The following FYN variants were observed in gnomAD, a reference collection of about 807,000 sequenced individuals.
The protein encoded by FYN is FYN proto-oncogene, Src family tyrosine kinase.
FYN carries 10 observed loss-of-function variants against 70.2 expected under a neutral mutation model. The ratio of observed to expected loss-of-function variants is 0.14; its 90% CI spans 0.09 to 0.24. The LOEUF (loss-of-function observed/expected upper bound fraction) is 0.24. Among genes scored for constraint, FYN ranks in the 10% least tolerant of loss-of-function variants. FYN has a pLI of 1.00. For missense variants in FYN, 319 were observed against 673.1 expected (o/e 0.47, Z 5.82); for synonymous variants, 236 against 248.6 (o/e 0.95, Z 0.48).
Position 111,694,528 on chromosome 6 carries a change from C to G in FYN, c.1120G>C (p.Val374Leu), listed in dbSNP as rs1476189949. 6.2e-7 allele frequency: 1 copy of G among 1,614,196 alleles called. No individual in the cohort carries two copies. The highest frequency in any genetic ancestry group is 8.5e-7 in the Non-Finnish European group (1 of 1,180,018). Reference protein sequence around the residue: ...LPNLVDMAAQVAAGMAYIERM... With the variant: ...LPNLVDMAAQLAAGMAYIERM... ...TCGATGTAAGCCATTCCTGCAGCCA[C>G]CTGTGGAAACCCAGGGAACAGGACA... Residue 374 changes from valine (V) to leucine (L), a missense_variant and splice_region_variant, in exon 12 of 14, where the codon GTG becomes CTG. By Grantham distance (32) the Val-to-Leu change is conservative. Around this residue, in one of 4 missense-constraint regions of FYN, gnomAD observed 64 missense variants for 223.0 expected, o/e 0.29. Transcript: ENST00000354650. This position sits in a 1 kb window ranked among gnomAD's most constrained non-coding sequence, Gnocchi z 5.0.
At chr6:111,810,684 C>G (rs1772296027) in intron 2 of FYN, among the ~76,000 whole-genome samples, 1 of 152,176 alleles carries the variant, frequency 6.6e-6, no homozygotes, top group African/African-American at 2.4e-5. Flanking sequence ...CCTGGGTGCA[C>G]TCACACCCAC....
chr6:111,665,995 CTTTT>C (rs991104460), intron 13 of FYN, among the ~76,000 whole-genome samples: 1 of 89,046 alleles, frequency 1.1e-5, no homozygotes, highest in East Asian at 3.5e-4. Flanking sequence ...CCTTTTTCTC[CTTTT>C]TTTTTTTTTT....
At chr6:111,831,669 C>T (rs1284579583) in intron 2 of FYN, among the ~76,000 whole-genome samples, 1 of 152,198 alleles carries the variant, frequency 6.6e-6, no homozygotes. Context: ...CACTTTCTCA[C>T]AACCCATTTA....
chr6:111,836,115 G>A (rs1187548177), intron 2 of FYN, among the ~76,000 whole-genome samples: 1 of 152,210 alleles, frequency 6.6e-6, no homozygotes, highest in Non-Finnish European at 1.5e-5. Context: ...GAGTGAAGGT[G>A]ATTCCAAAGT....
At chr6:111,856,349 C>A (rs1254806610) in intron 1 of FYN, among the ~76,000 whole-genome samples, 1 of 152,158 alleles carries the variant, frequency 6.6e-6, no homozygotes, top group Admixed American at 6.5e-5. Context: ...CAAATACTAA[C>A]TATAAACACA....
chr6:111,794,579 G>C (rs903301939), intron 2 of FYN, among the ~76,000 whole-genome samples: 1 of 152,184 alleles, frequency 6.6e-6, no homozygotes, highest in Non-Finnish European at 1.5e-5. Flanking sequence ...CTTTTGTACA[G>C]TCCATGAACT....
At chr6:111,772,888 G>A (rs574189369) in intron 3 of FYN, among the ~76,000 whole-genome samples, 85 of 152,002 alleles carry the variant, frequency 5.6e-4, no homozygotes, top group African/African-American at 2.0e-3. Context: ...TATTATTTGG[G>A]ACTGTATTGT....
intron 2 of FYN, among the ~76,000 whole-genome samples, chr6:111,815,686 A>G (rs1772464921): frequency 6.6e-6 from 1 of 151,512 alleles, no homozygotes. Context: ...TCAGTAAAGG[A>G]GTTCTATCCT....
chr6:111,786,737 A>G (rs1354766788), intron 2 of FYN, among the ~76,000 whole-genome samples: 1 of 152,112 alleles, frequency 6.6e-6, no homozygotes, highest in African/African-American at 2.4e-5. Flanking sequence ...TTCTTTCCTG[A>G]CTTTTTAATG....
At chr6:111,869,327 G>A (rs1446006170) in intron 1 of FYN, among the ~76,000 whole-genome samples, 1 of 152,262 alleles carries the variant, frequency 6.6e-6, no homozygotes, top group Admixed American at 6.5e-5. Context: ...AGGCCTTGGG[G>A]CAAGGAGTTT....
chr6:111,823,492 G>A (rs1241772905), intron 2 of FYN, among the ~76,000 whole-genome samples: 1 of 152,148 alleles, frequency 6.6e-6, no homozygotes, highest in Non-Finnish European at 1.5e-5. Context: ...AGGAGAAAAT[G>A]TCAGGCAAAA....
At chr6:111,717,231 GA>G (rs1246762506) in intron 4 of FYN, among the ~76,000 whole-genome samples, 1 of 152,000 alleles carries the variant, frequency 6.6e-6, no homozygotes, top group Non-Finnish European at 1.5e-5. Flanking sequence ...TGTTTGATCA[GA>G]CTGTTAGCTT....
rs1346270400 is a variant in FYN, at chr6:111,771,031, C to CA, written c.-12+9534dup. On this transcript the variant is annotated intron_variant, in intron 3 of 13. Transcript: ENST00000354650. ...AATGAGAGGCAGGACCAAATTCTTG[C>CA]ATGATGAAGTAAGTCTAGAGAAGCT... Among the ~76,000 whole-genome samples, 13 of 152,276 alleles carry CA rather than the reference C, an allele frequency of 8.5e-5. No individual in the cohort carries two copies. The East Asian group carries it at 2.5e-3, about 29-fold the overall frequency.
chr6:111,672,972 A>G (rs1798354348), intron 13 of FYN, among the ~76,000 whole-genome samples: 2 of 152,188 alleles, frequency 1.3e-5, no homozygotes, highest in Non-Finnish European at 2.9e-5. Flanking sequence ...CCTGAGAAAC[A>G]AAAAGCTGCT....
intron 3 of FYN, among the ~76,000 whole-genome samples, chr6:111,762,032 G>A (rs1214917775): frequency 6.6e-6 from 1 of 152,166 alleles, no homozygotes; most frequent in African/African-American, 2.4e-5. Context: ...CCGTGAGAAG[G>A]AACAGCTTCA....
intron 2 of FYN, among the ~76,000 whole-genome samples, chr6:111,797,532 A>C (rs1438957261): frequency 2.0e-5 from 3 of 151,478 alleles, no homozygotes; most frequent in Non-Finnish European, 4.4e-5. Flanking sequence ...ACTGCATAGT[A>C]ATAGGATAGT....
At chr6:111,781,222 T>C (rs941142147) in intron 2 of FYN, 5 of 152,218 alleles carry the variant, frequency 3.3e-5, no homozygotes, top group African/African-American at 4.8e-5. Context: ...GCTGTTATCA[T>C]CATTCTCCCA....
intron 2 of FYN, among the ~76,000 whole-genome samples, chr6:111,829,493 T>C (rs1293450149): frequency 6.6e-6 from 1 of 152,112 alleles, no homozygotes; most frequent in African/African-American, 2.4e-5. Context: ...AGAGCCCAGG[T>C]CTCTCACATC....
intron 2 of FYN, among the ~76,000 whole-genome samples, chr6:111,827,658 C>T (rs983312848): frequency 6.6e-6 from 1 of 152,186 alleles, no homozygotes; most frequent in Middle Eastern, 3.4e-3. Flanking sequence ...CTGCCCATGC[C>T]CCCACATACC....
Sources: allele counts gnomAD v4.1 joint callset (sites outside exome capture counted in the v4.1 genomes callset), GRCh38; gene constraint gnomAD v4.1.1; regional missense constraint gnomAD v4.1.1; non-coding constraint Gnocchi (gnomAD v3.1); transcripts MANE v1.5; gene names NCBI Gene and HGNC (gene_info 2026-07-23, HGNC 2026-07-21).